The following SLC20A2 variants were observed in gnomAD, a reference collection of about 807,000 sequenced individuals.
SLC20A2 encodes sodium-dependent phosphate transporter 2.
SLC20A2 carries 30 observed loss-of-function variants against 61.0 expected under a neutral mutation model. The ratio of observed to expected loss-of-function variants is 0.49; its 90% CI spans 0.37 to 0.67. SLC20A2 has a LOEUF of 0.67. SLC20A2 is among the 30% of genes least tolerant of loss of function. The pLI is 0.00. For missense variants in SLC20A2, 626 were observed against 866.4 expected, an observed-to-expected ratio of 0.72 and a Z score of 3.48; for synonymous variants, 351 against 353.3, an observed-to-expected ratio of 0.99 and a Z score of 0.07.
chr8:42,416,746 G>C lies in SLC20A2; in HGVS notation c.*1057C>G, dbSNP rs6841. ...ATTCTCCCTCCCTCTCATCCCTGAA[G>C]TGCTAGAATGTCAAAGCACAGAAAA... On this transcript the variant is annotated 3_prime_UTR_variant, in exon 11 of 11. Transcript: ENST00000520262. 29,321 of 152,552 alleles carry C rather than the reference G, an allele frequency of 0.19. 5,915 individuals are homozygous for C. The highest frequency in any genetic ancestry group is 0.51 in the African/African-American group (21,197 of 41,414). The allele number at this position is 152,552 out of a possible 1,614,324, so 9.4% of individuals were successfully genotyped here. A position where few individuals can be genotyped will look rare whatever the true frequency, so the allele number is the denominator to read the frequency against.
At chr8:42,418,446 G>A (rs1156269111) in intron 10 of SLC20A2, among the ~76,000 whole-genome samples, 1 of 152,004 alleles carries the variant, frequency 6.6e-6, no homozygotes, top group East Asian at 1.9e-4. Flanking sequence ...GAGTACAGTG[G>A]TGCAATCTCA....
At chr8:42,427,976 G>A (rs1443824616) in intron 10 of SLC20A2, among the ~76,000 whole-genome samples, 1 of 152,178 alleles carries the variant, frequency 6.6e-6, no homozygotes, top group Non-Finnish European at 1.5e-5. Context: ...GTTGAGACTG[G>A]TGAGTTTGTC....
In SLC20A2 at chr8:42,515,685, G is replaced by A. The variant is rs180744339; in HGVS notation, c.-265+26136C>T. 2.8e-4 allele frequency among the ~76,000 whole-genome samples: 42 copies of A among 152,106 alleles called. No homozygotes were observed. The East Asian group carries it at 5.6e-3, about 20-fold the overall frequency. ...CCGCACTCTAAAAAGTAGAAATCCCGGGGTCATAAGTGACTGTAACCCCCA... is the reference window on the plus strand; with the variant it reads ...CCGCACTCTAAAAAGTAGAAATCCCAGGGTCATAAGTGACTGTAACCCCCA... On this transcript the variant is annotated intron_variant, in intron 1 of 10. Transcript: ENST00000342228.
At position 42,525,019 on chromosome 8, in the gene SLC20A2, G is replaced by GT. The variant is rs201984643; in HGVS notation, c.-265+16801dup. Among the ~76,000 whole-genome samples the GT allele has an allele frequency of 3.4e-4, 52 of 152,084 alleles. No homozygotes were observed. The East Asian group carries it at 9.9e-3, about 29-fold the overall frequency. The stretch of plus-strand genomic sequence containing the variant: ...ATTTTTACTCTGAGAATGCTGTTTT[G>GT]TTTTTTTCTGAATTGAGTTTTAGTT... On this transcript the variant is annotated intron_variant, in intron 1 of 10. Coordinates refer to the SLC20A2 transcript ENST00000342228.
chr8:42,452,910 A>G (rs1805860253), intron 5 of SLC20A2, among the ~76,000 whole-genome samples: 1 of 152,126 alleles, frequency 6.6e-6, no homozygotes, highest in Non-Finnish European at 1.5e-5. Context: ...TAGAACGGTA[A>G]TGAGGAAGCC....
intron 10 of SLC20A2, among the ~76,000 whole-genome samples, chr8:42,423,266 A>G (rs1471545449): frequency 3.9e-5 from 6 of 152,060 alleles, no homozygotes; most frequent in Admixed American, 3.9e-4. Flanking sequence ...TTATTTCAAT[A>G]TATAATTAAT....
chr8:42,452,009 G>A (rs1805731123), intron 5 of SLC20A2, among the ~76,000 whole-genome samples: 1 of 120,222 alleles, frequency 8.3e-6, no homozygotes, highest in Non-Finnish European at 1.7e-5. Flanking sequence ...AAGAGGAGGA[G>A]GAGGAAGAGA....
intron 5 of SLC20A2, among the ~76,000 whole-genome samples, chr8:42,451,552 T>A (rs1233765665): frequency 3.3e-5 from 3 of 91,516 alleles, no homozygotes; most frequent in Non-Finnish European, 4.1e-5. Flanking sequence ...GAGGAAAAGA[T>A]GGAGGAGGAA....
At chr8:42,536,320 A>G (rs899346446) in intron 1 of SLC20A2, 8 of 152,178 alleles carry the variant, frequency 5.3e-5, no homozygotes, top group Admixed American at 6.5e-5. Flanking sequence ...TATCCTTCCC[A>G]GTAGAAACAA....
At chr8:42,475,468 G>A (rs901270064) in intron 1 of SLC20A2, among the ~76,000 whole-genome samples, 9 of 151,948 alleles carry the variant, frequency 5.9e-5, no homozygotes, top group African/African-American at 9.7e-5. Flanking sequence ...GGAGTGCAGT[G>A]GCGCGATCTT....
At chr8:42,461,253 CTG>C in intron 4 of SLC20A2, among the ~76,000 whole-genome samples, 1 of 152,268 alleles carries the variant, frequency 6.6e-6, no homozygotes, top group Non-Finnish European at 1.5e-5. Flanking sequence ...CTATGATCAT[CTG>C]TGATGTATCA....
At chr8:42,531,847 G>C (rs552416575) in intron 1 of SLC20A2, among the ~76,000 whole-genome samples, 1 of 148,108 alleles carries the variant, frequency 6.8e-6, no homozygotes, top group African/African-American at 2.5e-5. Flanking sequence ...TTGAGACAGA[G>C]TCTCGCTGTC....
intron 1 of SLC20A2, among the ~76,000 whole-genome samples, chr8:42,495,755 T>C (rs1809876670): frequency 6.6e-6 from 1 of 151,328 alleles, no homozygotes. Context: ...CCTCCCCCTT[T>C]TTTTTTTTTT....
Position 42,417,748 on chromosome 8 carries a change from C to T in SLC20A2, c.*55G>A. On this transcript the variant is annotated 3_prime_UTR_variant, in exon 11 of 11. Transcript: ENST00000520262. ...TGTGCGGCACGAGCACACATGTCTCCCACACGCCAACACCAGACCATCCCT... is the reference window on the plus strand; with the variant it reads ...TGTGCGGCACGAGCACACATGTCTCTCACACGCCAACACCAGACCATCCCT... 1.0e-5 allele frequency: 16 copies of T among 1,589,088 alleles called. No individual in the cohort carries two copies. The highest frequency in any genetic ancestry group is 3.3e-5 in the Admixed American group (2 of 59,780).
chr8:42,436,870 C>T (rs1330019043), intron 8 of SLC20A2, 119 bp downstream of exon 8: 3 of 901,292 alleles, frequency 3.3e-6, no homozygotes, highest in Non-Finnish European at 5.0e-6. Context: ...CTGCGCACCC[C>T]TATCCCTGGC....
At chr8:42,508,413 G>A (rs914706568) in intron 1 of SLC20A2, among the ~76,000 whole-genome samples, 2 of 152,046 alleles carry the variant, frequency 1.3e-5, no homozygotes, top group East Asian at 1.9e-4. Flanking sequence ...GTTTTGAGAC[G>A]GAGTCTCGCT....
chr8:42,518,042 G>A (rs1811422105), intron 1 of SLC20A2, among the ~76,000 whole-genome samples: 1 of 152,222 alleles, frequency 6.6e-6, no homozygotes, highest in Admixed American at 6.5e-5. Flanking sequence ...CCAGGTTCAA[G>A]CGATTCTCCT....
rs374281953 is a variant in SLC20A2, at chr8:42,540,413, C to A, written c.-265+1408G>T. Among the ~76,000 whole-genome samples the A allele has an allele frequency of 3.9e-4, 59 of 152,142 alleles. 7 individuals are homozygous for A. The highest frequency in any genetic ancestry group is 3.9e-3 in the East Asian group (20 of 5,190). ...AGCATGCACACCATTTGGCACAGGC[C>A]CGGCAAACAATCAGTACTCAACATC... On this transcript the variant is annotated intron_variant, in intron 1 of 10. Coordinates refer to the SLC20A2 transcript ENST00000342228.
intron 1 of SLC20A2, among the ~76,000 whole-genome samples, chr8:42,528,777 C>T (rs770030251): frequency 2.1e-4 from 32 of 152,024 alleles, no homozygotes; most frequent in Non-Finnish European, 4.4e-4. Flanking sequence ...AGCGATTCTC[C>T]TGCCTCAGCC....
Sources: allele counts gnomAD v4.1 joint callset (sites outside exome capture counted in the v4.1 genomes callset), GRCh38; gene constraint gnomAD v4.1.1; transcripts MANE v1.5; gene names NCBI Gene and HGNC (gene_info 2026-07-23, HGNC 2026-07-21).